Variants in DNAJC13 observed in about 807,000 individuals in gnomAD.
DNAJC13 encodes DnaJ heat shock protein family (Hsp40) member C13, also known as dnaJ homolog subfamily C member 13.
A neutral mutation model predicts 290.5 loss-of-function variants in DNAJC13; 75 were observed. That is an observed-to-expected ratio of 0.26 (90% CI 0.21 to 0.31). The LOEUF (loss-of-function observed/expected upper bound fraction) is 0.31. Among genes scored for constraint, DNAJC13 ranks in the 10% least tolerant of loss-of-function variants. The pLI is 1.00. For missense variants in DNAJC13, 2,260 were observed against 2,674.5 expected (o/e 0.85, Z 3.42); for synonymous variants, 862 against 892.0 (o/e 0.97, Z 0.60).
intron 48 of DNAJC13, among the ~76,000 whole-genome samples, chr3:132,518,888 T>C (rs1226763163): frequency 6.6e-6 from 1 of 152,224 alleles, no homozygotes; most frequent in African/African-American, 2.4e-5. Flanking sequence ...CACTGATCTA[T>C]TTCCTTCTGG....
At chr3:132,465,817 G>A (rs1473889316) in intron 17 of DNAJC13, among the ~76,000 whole-genome samples, 178 bp from the exon 18 acceptor site, 2 of 151,750 alleles carry the variant, frequency 1.3e-5, no homozygotes, top group Non-Finnish European at 2.9e-5. Context: ...CAAAATATTA[G>A]TAATATTTGA....
In DNAJC13 at chr3:132,525,679, C is replaced by G. The variant is rs767136273; in HGVS notation, c.6130C>G (p.Gln2044Glu). 1.3e-5 allele frequency: 21 copies of G among 1,614,222 alleles called. No individual in the cohort carries two copies. The highest frequency in any genetic ancestry group is 1.7e-5 in the Non-Finnish European group (20 of 1,180,026). The stretch of plus-strand genomic sequence containing the variant: ...CAGCGCACAACCTCAGCTGGCAGAT[C>G]AGGTCCCGCCATTGGGCCATCTTCC... ...LFSAQPQLADQVPPLGHLPKV... is the reference protein window; with the variant it reads ...LFSAQPQLADEVPPLGHLPKV... The change falls in exon 52 of 56, where the codon CAG becomes GAG. Residue 2044 changes from glutamine to glutamate, a missense_variant. Gln to Glu is a conservative substitution (Grantham distance 29). This residue lies in a region of DNAJC13 where 1,494 missense variants were observed against 1,693.7 expected (regional missense o/e 0.88). Transcript: ENST00000260818.
chr3:132,517,956 A>G (rs2107738838), intron 48 of DNAJC13, among the ~76,000 whole-genome samples: 1 of 152,374 alleles, frequency 6.6e-6, no homozygotes, highest in East Asian at 1.9e-4. Flanking sequence ...TTGGAAGCCT[A>G]CAGGAGGGTC....
chr3:132,507,657 C>A (rs1252991621), intron 43 of DNAJC13, among the ~76,000 whole-genome samples: 1 of 152,002 alleles, frequency 6.6e-6, no homozygotes, highest in Non-Finnish European at 1.5e-5. Flanking sequence ...GTTGCTCTTG[C>A]TAATTGTTTA....
rs188004458 is a variant in DNAJC13, at chr3:132,429,040, G to A, written c.-13-5498G>A. Among the ~76,000 whole-genome samples, 18 of 152,244 alleles carry A rather than the reference G, an allele frequency of 1.2e-4. 1 individual carries two copies. Among genetic ancestry groups the A allele is most frequent in the African/African-American group, 3.4e-4 (14 of 41,542 alleles). ...GAGCTACGGCGCCCAGCCAAAAAAT[G>A]TTTTTTAAGCTTATATAAAGAAGGA... is the stretch of plus-strand genomic sequence containing the variant. On this transcript the variant is annotated intron_variant, in intron 1 of 55. Coordinates refer to ENST00000260818, the MANE Select transcript of DNAJC13 (RefSeq NM_015268.4).
At chr3:132,489,665 A>G (rs919485838) in intron 31 of DNAJC13, among the ~76,000 whole-genome samples, 2 of 152,118 alleles carry the variant, frequency 1.3e-5, no homozygotes, top group Admixed American at 1.3e-4. Flanking sequence ...CCAAAACCAG[A>G]CCACTGTTGA....
In DNAJC13 at chr3:132,461,201, T is replaced by C; in HGVS notation, c.1709T>C (p.Phe570Ser). The change falls in exon 15 of 56, where the codon TTT becomes TCT. Residue 570 changes from phenylalanine to serine, a missense_variant. Physicochemically the swap from Phe to Ser is radical, Grantham distance 155. Coordinates refer to ENST00000260818, the MANE Select transcript of DNAJC13 (RefSeq NM_015268.4). ...ASNGRTLFKL[F>S]QHPSMAIIKG... ...AATGGAAGAACCCTTTTTAAACTTTTTCAGGTGAGAGCTTGTATTTTTCTT... is the reference window on the plus strand; with the variant it reads ...AATGGAAGAACCCTTTTTAAACTTTCTCAGGTGAGAGCTTGTATTTTTCTT... 1.2e-6 allele frequency: 2 copies of C among 1,613,966 alleles called. No homozygotes were observed. Among genetic ancestry groups the C allele is most frequent in the East Asian group, 2.2e-5 (1 of 44,862 alleles).
intron 48 of DNAJC13, among the ~76,000 whole-genome samples, chr3:132,521,313 TAAG>T (rs1355977123): frequency 6.6e-6 from 1 of 151,928 alleles, no homozygotes; most frequent in African/African-American, 2.4e-5. Flanking sequence ...CTCAGGAGGT[TAAG>T]GAGGGAGGAT....
rs554385939 is a variant in DNAJC13, at chr3:132,504,776, G to A, written c.4885-526G>A. On this transcript the variant is annotated intron_variant, in intron 41 of 55. Transcript: ENST00000260818. Reference sequence around the variant, plus strand: ...GGAAAGCACACCAGATGCCTAAGCAGTCATAATCTATGCCTGCAGAAGGAC... The same window carrying A: ...GGAAAGCACACCAGATGCCTAAGCAATCATAATCTATGCCTGCAGAAGGAC... 2.0e-5 allele frequency among the ~76,000 whole-genome samples: 3 copies of A among 152,308 alleles called. No homozygotes were observed. The South Asian group carries it at 6.2e-4, about 32-fold the overall frequency.
intron 20 of DNAJC13, among the ~76,000 whole-genome samples, chr3:132,468,787 T>G (rs1934088005): frequency 6.6e-6 from 1 of 152,186 alleles, no homozygotes; most frequent in African/African-American, 2.4e-5. Context: ...CAGATATGAA[T>G]GATTTTCACA....
chr3:132,489,204 G>A (rs1934981177), intron 31 of DNAJC13, among the ~76,000 whole-genome samples, 183 bp downstream of exon 31: 1 of 152,194 alleles, frequency 6.6e-6, no homozygotes, highest in African/African-American at 2.4e-5. Flanking sequence ...TATTTTTAAA[G>A]GAAAATAAAT....
In DNAJC13 at chr3:132,456,567, C is replaced by T; in HGVS notation, c.1166C>T (p.Ala389Val). The change falls in exon 11 of 56, where the codon GCA becomes GTA. Residue 389 changes from alanine to valine, a missense_variant. Transcript: ENST00000260818. ...ATTTCATACAGTGGAGTCCTACATG[C>T]AGTAACACAAGATGTAAGCTAAGTT... is the stretch of plus-strand genomic sequence containing the variant. Reference protein sequence around the residue: ...ANISYSGVLHAVTQDGLFSEN... With the variant: ...ANISYSGVLHVVTQDGLFSEN... 6.2e-7 allele frequency: 1 copy of T among 1,613,794 alleles called. No individual in the cohort carries two copies. Among genetic ancestry groups the T allele is most frequent in the Non-Finnish European group, 8.5e-7 (1 of 1,179,788 alleles).
intron 52 of DNAJC13, 108 bp downstream of exon 52, chr3:132,525,897 C>T: frequency 7.6e-7 from 1 of 1,316,784 alleles, no homozygotes; most frequent in South Asian, 1.5e-5. Flanking sequence ...TGCCATGTGT[C>T]TTTTTGCATA....
At chr3:132,467,417 T>G (rs1934033825) in intron 20 of DNAJC13, 104 bp downstream of exon 20, 5 of 1,101,858 alleles carry the variant, frequency 4.5e-6, no homozygotes, top group Non-Finnish European at 6.5e-6. Flanking sequence ...TCTTGCTGAA[T>G]ACCTGAAGCT....
At chr3:132,445,483 T>C (rs898551535) in intron 2 of DNAJC13, among the ~76,000 whole-genome samples, 1 of 152,098 alleles carries the variant, frequency 6.6e-6, no homozygotes, top group African/African-American at 2.4e-5. Flanking sequence ...ATTGAGAAGC[T>C]GTTTTTACTC....
chr3:132,525,904 C>T (rs915557393), intron 52 of DNAJC13, 115 bp downstream of exon 52: 2 of 1,273,534 alleles, frequency 1.6e-6, no homozygotes, highest in African/African-American at 3.0e-5. Flanking sequence ...TGTCTTTTTG[C>T]ATACGAACCA....
chr3:132,523,051 G>A, intron 49 of DNAJC13, 54 bp downstream of exon 49: 1 of 1,601,028 alleles, frequency 6.2e-7, no homozygotes. Context: ...TCACTGGGAA[G>A]GGCAAACATT....
intron 9 of DNAJC13, among the ~76,000 whole-genome samples, chr3:132,455,526 T>C (rs1223175004): frequency 6.6e-6 from 1 of 152,150 alleles, no homozygotes; most frequent in Non-Finnish European, 1.5e-5. Context: ...ACAGAGAGAC[T>C]TGCACATGAA....
intron 1 of DNAJC13, among the ~76,000 whole-genome samples, chr3:132,421,433 G>T (rs1468911736): frequency 6.6e-6 from 1 of 152,096 alleles, no homozygotes; most frequent in Non-Finnish European, 1.5e-5. Flanking sequence ...TCAGAGGCTT[G>T]TATCTTTACA....
Sources: gnomAD v4.1 joint callset for allele counts (sites outside exome capture counted in the v4.1 genomes callset) on GRCh38, gnomAD v4.1.1 for gene constraint, gnomAD v4.1.1 regional missense constraint, MANE v1.5 for transcripts, NCBI Gene and HGNC (gene_info 2026-07-23, HGNC 2026-07-21) for gene names.